The following COL24A1 variants were observed in gnomAD, a reference collection of about 807,000 sequenced individuals.
The protein encoded by COL24A1 is collagen type XXIV alpha 1 chain.
Under a neutral mutation model 253.9 loss-of-function variants are expected in COL24A1, and 224 were observed. The observed-to-expected ratio is 0.88, with a 90% CI of 0.79 to 0.99. The LOEUF (loss-of-function observed/expected upper bound fraction) is 0.99. Among genes scored for constraint, COL24A1 ranks in the 50% least tolerant of loss-of-function variants. The pLI is 0.00. For missense variants in COL24A1, 2,131 were observed against 2,068.5 expected (o/e 1.03, Z -0.59); for synonymous variants, 685 against 673.7 (o/e 1.02, Z -0.26).
chr1:86,022,843 T>G lies in COL24A1; in HGVS notation c.2138A>C (p.Lys713Thr). ...TAATATTTAAATCACCTTATCACCTTTGATTCCAGGTAGTCCTTTATTCCC... is the reference window on the plus strand; with the variant it reads ...TAATATTTAAATCACCTTATCACCTGTGATTCCAGGTAGTCCTTTATTCCC... ...LSGNKGLPGI[K>T]GDKGEQGTAG... Residue 713 changes from lysine (K) to threonine (T), a missense_variant, in exon 16 of 60, where the codon AAA becomes ACA. Lys to Thr is a moderately conservative substitution (Grantham distance 78, BLOSUM62 -1). Transcript: ENST00000370571. 1 of 1,576,718 alleles carries G rather than the reference T, an allele frequency of 6.3e-7. No individual in the cohort carries two copies. Among genetic ancestry groups the G allele is most frequent in the East Asian group, 2.3e-5 (1 of 44,188 alleles).
intron 19 of COL24A1, among the ~76,000 whole-genome samples, chr1:86,001,464 G>GT (rs1278740607): frequency 2.0e-5 from 3 of 152,176 alleles, no homozygotes; most frequent in Admixed American, 2.0e-4. Flanking sequence ...AGGTATGAAA[G>GT]TTTCTAGTCA....
chr1:85,739,741 T>A (rs6686719), intron 57 of COL24A1, among the ~76,000 whole-genome samples: 1 of 152,046 alleles, frequency 6.6e-6, no homozygotes, highest in Non-Finnish European at 1.5e-5. Flanking sequence ...AACATGTTGG[T>A]CTTCAGTTCC....
chr1:85,901,899 A>C (rs1684352718), intron 28 of COL24A1, among the ~76,000 whole-genome samples: 1 of 151,822 alleles, frequency 6.6e-6, no homozygotes, highest in Admixed American at 6.6e-5. Flanking sequence ...TATCCAAAGG[A>C]AAATAAATCA....
intron 48 of COL24A1, among the ~76,000 whole-genome samples, chr1:85,784,819 C>T (rs1669514807): frequency 6.6e-6 from 1 of 152,090 alleles, no homozygotes; most frequent in African/African-American, 2.4e-5. Context: ...CAGCCTTAAA[C>T]TCCTGGGCTC....
chr1:85,740,227 T>C (rs1664459200), intron 57 of COL24A1, among the ~76,000 whole-genome samples: 1 of 152,166 alleles, frequency 6.6e-6, no homozygotes, highest in Non-Finnish European at 1.5e-5. Flanking sequence ...AATTCAAATG[T>C]GTCTGTAAAG....
chr1:85,796,770 T>A (rs1670848497), intron 47 of COL24A1, among the ~76,000 whole-genome samples: 2 of 152,208 alleles, frequency 1.3e-5, no homozygotes, highest in South Asian at 2.1e-4. Flanking sequence ...AATATTTCAT[T>A]TGATTCTTAT....
intron 7 of COL24A1, among the ~76,000 whole-genome samples, chr1:86,087,131 C>T (rs994326829): frequency 6.6e-6 from 1 of 152,106 alleles, no homozygotes; most frequent in Middle Eastern, 3.2e-3. Flanking sequence ...TCTATCAGGT[C>T]TATTTCTATC....
chr1:85,744,087 G>A (rs1456624342), intron 57 of COL24A1, among the ~76,000 whole-genome samples: 1 of 151,882 alleles, frequency 6.6e-6, no homozygotes, highest in Non-Finnish European at 1.5e-5. Flanking sequence ...GGTTTCCCCT[G>A]TTTAACTGAT....
intron 27 of COL24A1, among the ~76,000 whole-genome samples, chr1:85,907,490 T>C (rs1333630451): frequency 6.6e-6 from 1 of 151,904 alleles, no homozygotes; most frequent in Non-Finnish European, 1.5e-5. Flanking sequence ...GAGAAGCTTT[T>C]AATATTCACT....
intron 35 of COL24A1, 109 bp downstream of exon 35, chr1:85,874,540 T>C (rs1680908198): frequency 1.1e-6 from 1 of 898,766 alleles, no homozygotes; most frequent in Non-Finnish European, 1.7e-6. Context: ...TTTTCTATAA[T>C]GTATCAGAAA....
intron 47 of COL24A1, among the ~76,000 whole-genome samples, 153 bp downstream of exon 47, chr1:85,816,635 T>C (rs1277428523): frequency 2.0e-5 from 3 of 152,204 alleles, no homozygotes; most frequent in Admixed American, 2.0e-4. Flanking sequence ...TTCCTGGAAA[T>C]CCTAAATACA....
chr1:85,830,778 G>A (rs1675144914), intron 43 of COL24A1, among the ~76,000 whole-genome samples: 2 of 152,124 alleles, frequency 1.3e-5, no homozygotes, highest in Admixed American at 6.6e-5. Context: ...GCCCTGCTTC[G>A]GCTCGCGCAC....
At chr1:86,029,627 T>C (rs1433713572) in intron 14 of COL24A1, among the ~76,000 whole-genome samples, 1 of 150,084 alleles carries the variant, frequency 6.7e-6, no homozygotes, top group Non-Finnish European at 1.5e-5. Flanking sequence ...TTTTTTTTTT[T>C]TTTAGAGAGA....
intron 55 of COL24A1, among the ~76,000 whole-genome samples, chr1:85,761,174 C>A (rs916089499): frequency 1.3e-5 from 2 of 152,198 alleles, no homozygotes; most frequent in African/African-American, 4.8e-5. Flanking sequence ...CACTTGAAAC[C>A]ACCCAAGAAA....
intron 47 of COL24A1, among the ~76,000 whole-genome samples, chr1:85,795,601 T>C (rs1670720755): frequency 6.6e-6 from 1 of 152,186 alleles, no homozygotes; most frequent in South Asian, 2.1e-4. Flanking sequence ...TCATATTGGT[T>C]GATATTTTTC....
intron 5 of COL24A1, among the ~76,000 whole-genome samples, chr1:86,110,828 C>G (rs552762479): frequency 3.3e-5 from 5 of 152,056 alleles, no homozygotes; most frequent in East Asian, 3.9e-4. Flanking sequence ...CCCCGCCCCC[C>G]ACACCCCATG....
chr1:86,063,286 A>T, intron 8 of COL24A1, among the ~76,000 whole-genome samples: 1 of 152,078 alleles, frequency 6.6e-6, no homozygotes, highest in Non-Finnish European at 1.5e-5. Context: ...GTCAGGGAAC[A>T]AACAGCTATG....
chr1:85,854,306 C>T (rs1026204738), intron 37 of COL24A1, among the ~76,000 whole-genome samples: 1 of 152,102 alleles, frequency 6.6e-6, no homozygotes, highest in African/African-American at 2.4e-5. Flanking sequence ...GTTCTCTAAC[C>T]TGTTTCATTG....
intron 56 of COL24A1, 112 bp from the exon 57 acceptor site, chr1:85,744,946 T>G: frequency 6.7e-6 from 5 of 749,578 alleles, no homozygotes; most frequent in Non-Finnish European, 1.1e-5. Context: ...GAGTAGAATG[T>G]AAAGAACAGT....
Sources: allele counts gnomAD v4.1 joint callset (sites outside exome capture counted in the v4.1 genomes callset), GRCh38; gene constraint gnomAD v4.1.1; transcripts MANE v1.5; gene names NCBI Gene and HGNC (gene_info 2026-07-23, HGNC 2026-07-21).